ABCA12: variants seen among roughly 807,000 people sequenced by gnomAD.
ABCA12 encodes ATP binding cassette subfamily A member 12, also known as glucosylceramide transporter ABCA12.
A neutral mutation model predicts 293.5 loss-of-function variants in ABCA12; 156 were observed. The observed-to-expected ratio is 0.53, with a 90% CI of 0.47 to 0.61. The LOEUF (loss-of-function observed/expected upper bound fraction) is 0.61. Among genes scored for constraint, ABCA12 ranks in the 20% least tolerant of loss-of-function variants. The pLI is 0.00. For missense variants in ABCA12, 2,797 were observed against 3,090.2 expected (o/e 0.91, Z 2.25); for synonymous variants, 1,063 against 1,108.0 (o/e 0.96, Z 0.81).
At chr2:215,091,120 C>T (rs1268001421) in intron 2 of ABCA12, among the ~76,000 whole-genome samples, 1 of 152,004 alleles carries the variant, frequency 6.6e-6, no homozygotes. Flanking sequence ...TGCACCTCAT[C>T]CCAAAGCTTT....
chr2:215,098,050 A>G (rs191455100), intron 2 of ABCA12, among the ~76,000 whole-genome samples: 6 of 152,322 alleles, frequency 3.9e-5, no homozygotes, highest in Admixed American at 3.9e-4. Flanking sequence ...TCAAGTTTTC[A>G]CAGGAGTTAG....
chr2:214,970,412 A>G lies in ABCA12; in HGVS notation c.5563-12T>C. 1 of 1,612,906 alleles carries G rather than the reference A, an allele frequency of 6.2e-7. No individual in the cohort carries two copies. Among genetic ancestry groups the G allele is most frequent in the Middle Eastern group, 1.7e-4 (1 of 6,050 alleles). ...AATTTAGGACATTCCTGGAAAATAA[A>G]GTTAAAAATGAATTTTTTTCTGGCC... is the stretch of plus-strand genomic sequence containing the variant. On this transcript the variant is annotated splice_polypyrimidine_tract_variant and intron_variant, in intron 36 of 52. Coordinates refer to ENST00000272895, the MANE Select transcript of ABCA12 (RefSeq NM_173076.3).
chr2:215,029,856 A>C (rs566656457), intron 9 of ABCA12, among the ~76,000 whole-genome samples: 1 of 152,344 alleles, frequency 6.6e-6, no homozygotes, highest in African/African-American at 2.4e-5. Context: ...GTACAAACAC[A>C]AAATGATAAA....
At chr2:215,060,600 C>T (rs576908898) in intron 3 of ABCA12, among the ~76,000 whole-genome samples, 202 of 151,988 alleles carry the variant, frequency 1.3e-3, no homozygotes, top group Non-Finnish European at 2.2e-3. Flanking sequence ...TTTCTTTTTA[C>T]GCTGATTTTA....
intron 2 of ABCA12, among the ~76,000 whole-genome samples, chr2:215,092,065 T>C (rs769030217): frequency 2.0e-5 from 3 of 152,230 alleles, no homozygotes; most frequent in Non-Finnish European, 2.9e-5. Context: ...CAGCTGAAGA[T>C]TGATGCTGCC....
chr2:214,959,195 T>C (rs954100975), intron 39 of ABCA12, 117 bp from the exon 40 acceptor site: 8 of 925,600 alleles, frequency 8.6e-6, no homozygotes, highest in Non-Finnish European at 1.4e-5. Context: ...CAATTTTATT[T>C]GGGGGACCTT....
At chr2:214,983,956 A>AG in intron 28 of ABCA12, 91 bp from the exon 29 acceptor site, 2 of 1,104,116 alleles carry the variant, frequency 1.8e-6, no homozygotes, top group Non-Finnish European at 2.7e-6. Context: ...GAAGGAAAAA[A>AG]TACAGTGTAT....
chr2:215,026,101 G>T (rs991723028), intron 10 of ABCA12, among the ~76,000 whole-genome samples: 12 of 152,120 alleles, frequency 7.9e-5, no homozygotes, highest in African/African-American at 2.9e-4. Flanking sequence ...GGAAAGAATA[G>T]GTTATAGAAT....
intron 20 of ABCA12, among the ~76,000 whole-genome samples, chr2:215,003,136 C>A (rs961534571): frequency 9.9e-5 from 15 of 152,192 alleles, no homozygotes; most frequent in African/African-American, 3.6e-4. Flanking sequence ...AAATCATTTA[C>A]GTCCCAGCAG....
At chr2:215,062,574 G>A (rs560276549) in intron 3 of ABCA12, among the ~76,000 whole-genome samples, 2 of 151,972 alleles carry the variant, frequency 1.3e-5, no homozygotes, top group East Asian at 1.9e-4. Context: ...CCTTTTCTAC[G>A]TATCCCAATC....
At position 214,955,351 on chromosome 2, in the gene ABCA12, A is replaced by C. The variant is rs756829602; in HGVS notation, c.6244T>G (p.Phe2082Val). 5 of 1,614,066 alleles carry C rather than the reference A, an allele frequency of 3.1e-6. No homozygotes were observed. The highest frequency in any genetic ancestry group is 4.2e-6 in the Non-Finnish European group (5 of 1,179,972). Residue 2082 changes from phenylalanine to valine, a missense_variant, in exon 43 of 53, where the codon TTT becomes GTT. Physicochemically the swap from Phe to Val is conservative, Grantham distance 50. This residue lies in a region of ABCA12 where 2,130 missense variants were observed against 2,427.0 expected (regional missense o/e 0.88). Transcript: ENST00000272895. ...CCAGCCAGCAAGTACATCCAGGAAA[A>C]TGTTGCATACCTGCAGGTTAAAAAC... ...LLLLLFGYAT[F>V]SWMYLLAGLF...
intron 7 of ABCA12, among the ~76,000 whole-genome samples, chr2:215,040,866 T>A (rs898567959): frequency 1.3e-5 from 2 of 152,074 alleles, no homozygotes; most frequent in African/African-American, 4.8e-5. Context: ...AAACCTTTTT[T>A]TATTTCTTCT....
At chr2:215,120,617 A>G (rs1702787179) in intron 1 of ABCA12, among the ~76,000 whole-genome samples, 1 of 152,204 alleles carries the variant, frequency 6.6e-6, no homozygotes, top group South Asian at 2.1e-4. Flanking sequence ...AGAAGGGGAT[A>G]GTCCAGGAAC....
At chr2:215,026,089 T>A (rs1306829503) in intron 10 of ABCA12, among the ~76,000 whole-genome samples, 11 of 152,196 alleles carry the variant, frequency 7.2e-5, no homozygotes, top group Non-Finnish European at 1.0e-4. Context: ...TTGAAGTATC[T>A]TGGAAAGAAT....
chr2:215,111,051 C>T (rs1392173017), intron 2 of ABCA12, among the ~76,000 whole-genome samples: 3 of 152,234 alleles, frequency 2.0e-5, no homozygotes, highest in Non-Finnish European at 2.9e-5. Flanking sequence ...AACGGAGTGT[C>T]GGGCATTCTG....
At chr2:214,999,712 G>A (rs2038957) in intron 22 of ABCA12, 680,490 of 680,966 alleles carry the variant, frequency 1, 340,009 homozygotes, top group East Asian at 1. Context: ...CACATAGTTC[G>A]GGCAGCACAG....
At chr2:215,062,807 C>T (rs1701556647) in intron 3 of ABCA12, among the ~76,000 whole-genome samples, 2 of 152,040 alleles carry the variant, frequency 1.3e-5, no homozygotes, top group Non-Finnish European at 1.5e-5. Flanking sequence ...TAAATCCCTA[C>T]TTTATAATTT....
chr2:215,117,902 T>G lies in ABCA12; in HGVS notation c.70-6212A>C, dbSNP rs1702718209. 2.0e-5 allele frequency among the ~76,000 whole-genome samples: 3 copies of G among 152,374 alleles called. 1 individual carries two copies. Among genetic ancestry groups the G allele is most frequent in the African/African-American group, 7.2e-5 (3 of 41,592 alleles). On this transcript the variant is annotated intron_variant, in intron 1 of 52. Transcript: ENST00000272895. ...GACTCATGGAGGTGTTTTGTTTCTT[T>G]CACACAGTTTTGTTATTGTTTTCGA...
rs186480244 is a variant in ABCA12 at position 215,122,780 on chromosome 2, A to G, written c.70-11090T>C. Among the ~76,000 whole-genome samples, 336 of 152,316 alleles carry G rather than the reference A, an allele frequency of 2.2e-3. 2 individuals are homozygous for G. The highest frequency in any genetic ancestry group is 3.5e-3 in the Non-Finnish European group (241 of 68,028). ...AAGTCACTCCTTGATGTGCCTATTTAGGAACCATCTTCTTTTTTAAAAATT... is the reference window on the plus strand; with the variant it reads ...AAGTCACTCCTTGATGTGCCTATTTGGGAACCATCTTCTTTTTTAAAAATT... On this transcript the variant is annotated intron_variant, in intron 1 of 52. Transcript: ENST00000272895.
Sources: gnomAD v4.1 joint callset for allele counts (sites outside exome capture counted in the v4.1 genomes callset) on GRCh38, gnomAD v4.1.1 for gene constraint, gnomAD v4.1.1 regional missense constraint, MANE v1.5 for transcripts, NCBI Gene and HGNC (gene_info 2026-07-23, HGNC 2026-07-21) for gene names.